TMPRSS5: variants seen among roughly 807,000 people sequenced by gnomAD.
TMPRSS5 encodes the protein transmembrane serine protease 5.
In TMPRSS5, 45 loss-of-function variants were observed where a neutral mutation model predicts 59.7. The observed-to-expected ratio is 0.75, with a 90% CI of 0.59 to 0.97. The LOEUF is 0.97. Ranked by LOEUF, TMPRSS5 falls within the 50% of genes least tolerant of loss-of-function variation. TMPRSS5 has a pLI of 0.00. For missense variants in TMPRSS5, 585 were observed against 596.7 expected (o/e 0.98, Z 0.20); for synonymous variants, 225 against 232.0 (o/e 0.97, Z 0.27).
At position 113,706,299 on chromosome 11, in the gene TMPRSS5, G is replaced by A; in HGVS notation, c.-75C>T. The A allele has an allele frequency of 6.4e-7, 1 of 1,555,054 alleles. No individual in the cohort carries two copies. The highest frequency in any genetic ancestry group is 1.2e-5 in the South Asian group (1 of 84,970). On this transcript the variant is annotated 5_prime_UTR_variant, in exon 1 of 13. Transcript: ENST00000299882. ...CCGCTCCTGTTCTCAGGCCAGCATT[G>A]ATTAAAGCTAGCCCAGCAAGCTTGG...
Position 113,699,612 on chromosome 11 carries a change from A to G in TMPRSS5, c.188T>C (p.Val63Ala). 1 of 1,578,824 alleles carries G rather than the reference A, an allele frequency of 6.3e-7. No homozygotes were observed. The highest frequency in any genetic ancestry group is 8.6e-7 in the Non-Finnish European group (1 of 1,162,996). ...GALGLLAGAGVGSWLLVLYLC... is the reference protein window; with the variant it reads ...GALGLLAGAGAGSWLLVLYLC... ...GCACTGACCTAGGAGCCATGAGCCA[A>G]CACCTGCACCGGCCAGCAGCCCCAG... Residue 63 changes from valine (V) to alanine (A), a missense_variant, in exon 3 of 13, where the codon GTT becomes GCT. Physicochemically the swap from Val to Ala is moderately conservative, Grantham distance 64. Transcript: ENST00000299882.
chr11:113,690,085 C>A (rs1447452705), intron 11 of TMPRSS5, 146 bp downstream of exon 11: 1 of 1,297,976 alleles, frequency 7.7e-7, no homozygotes, highest in South Asian at 1.4e-5. Context: ...GAGCTCCAGA[C>A]TTGCCTAGGT....
intron 4 of TMPRSS5, among the ~76,000 whole-genome samples, chr11:113,698,110 C>T (rs1028376011): frequency 6.6e-6 from 1 of 152,156 alleles, no homozygotes; most frequent in African/African-American, 2.4e-5. Flanking sequence ...AGGCAGAAGA[C>T]AGCCATCTAC....
intron 9 of TMPRSS5, among the ~76,000 whole-genome samples, chr11:113,692,496 G>A (rs1952811333): frequency 6.6e-6 from 1 of 152,192 alleles, no homozygotes. Context: ...GCACGTGTGT[G>A]TCGGGGAGAG....
intron 1 of TMPRSS5, among the ~76,000 whole-genome samples, chr11:113,705,298 C>T (rs1251232760): frequency 6.6e-6 from 1 of 152,212 alleles, no homozygotes; most frequent in Non-Finnish European, 1.5e-5. Flanking sequence ...GAAGGAAAGA[C>T]TTTGTCAGAC....
intron 1 of TMPRSS5, among the ~76,000 whole-genome samples, chr11:113,704,118 A>C (rs3902836): frequency 0.21 from 32,387 of 152,064 alleles, 3,695 homozygotes; most frequent in Middle Eastern, 0.34. Context: ...AGCAAAGGCA[A>C]AGGGATAAGA....
Position 113,696,890 on chromosome 11 carries a change from C to A in TMPRSS5, c.546G>T (p.Leu182=). The change falls in exon 6 of 13, where the codon CTG becomes CTT. Residue 182 remains leucine (L), a synonymous_variant. Transcript: ENST00000299882. ...SQEFAQLSPR[L]GGFLEEAWQP... ...GCCACGCCTCCTCCAGGAAGCCTCCCAGTCTAGGAGAGAGCTGAGCAAACT... is the reference window on the plus strand; with the variant it reads ...GCCACGCCTCCTCCAGGAAGCCTCCAAGTCTAGGAGAGAGCTGAGCAAACT... The A allele has an allele frequency of 6.4e-7, 1 of 1,572,976 alleles. No individual in the cohort carries two copies. Among genetic ancestry groups the A allele is most frequent in the South Asian group, 1.2e-5 (1 of 85,246 alleles).
intron 10 of TMPRSS5, 55 bp from the exon 11 acceptor site, chr11:113,690,428 G>A (rs1452738997): frequency 1.2e-5 from 19 of 1,563,236 alleles, no homozygotes; most frequent in Non-Finnish European, 1.6e-5. Flanking sequence ...CAGGCAGGCA[G>A]AGCAGCAAGA....
Position 113,688,291 on chromosome 11 carries a change from A to G in TMPRSS5, c.1360-17T>C, listed in dbSNP as rs1952661550. On this transcript the variant is annotated splice_polypyrimidine_tract_variant and intron_variant, in intron 12 of 12. Transcript: ENST00000299882. ...GAGGGAGTCCTAGACCAAAAGGGAA[A>G]GGAACTGATTCACAGCATGGCTCTA... 1 of 1,547,046 alleles carries G rather than the reference A, an allele frequency of 6.5e-7. No homozygotes were observed. Among genetic ancestry groups the G allele is most frequent in the Admixed American group, 1.8e-5 (1 of 54,324 alleles).
At chr11:113,692,863 C>G (rs529173648) in intron 9 of TMPRSS5, among the ~76,000 whole-genome samples, 32 of 152,258 alleles carry the variant, frequency 2.1e-4, no homozygotes, top group African/African-American at 7.5e-4. Context: ...GGGTCTGAAC[C>G]TCTTTTCCCA....
intron 2 of TMPRSS5, 99 bp downstream of exon 2, chr11:113,699,967 A>G (rs1439707176): frequency 3.9e-6 from 6 of 1,545,308 alleles, no homozygotes; most frequent in Admixed American, 3.9e-5. Context: ...CTCACCATCA[A>G]TCATGTGGGG....
At chr11:113,696,393 A>G (rs1176318337) in intron 6 of TMPRSS5, among the ~76,000 whole-genome samples, 21 of 152,188 alleles carry the variant, frequency 1.4e-4, no homozygotes, top group Admixed American at 1.4e-3. Context: ...CCAGACTACA[A>G]GCAACTCTTA....
At chr11:113,697,147 G>T in intron 5 of TMPRSS5, 136 bp downstream of exon 5, 1 of 1,353,880 alleles carries the variant, frequency 7.4e-7, no homozygotes, top group Non-Finnish European at 1.0e-6. Flanking sequence ...GTGCCCAGAG[G>T]CCAGAAGATG....
chr11:113,705,660 G>C (rs1476345076), intron 1 of TMPRSS5, among the ~76,000 whole-genome samples: 2 of 152,222 alleles, frequency 1.3e-5, no homozygotes, highest in Non-Finnish European at 2.9e-5. Context: ...TAGTAGAGAA[G>C]CAGCAACAGA....
intron 3 of TMPRSS5, among the ~76,000 whole-genome samples, chr11:113,699,293 GTC>G (rs1183571994): frequency 7.7e-4 from 32 of 41,554 alleles, no homozygotes; most frequent in Non-Finnish European, 1.3e-3. Context: ...CTCTCTCTCT[GTC>G]TCTCTCTCTC....
In TMPRSS5 at chr11:113,689,886, T is replaced by C. The variant is rs746502312; in HGVS notation, c.1238A>G (p.Asp413Gly). 7.0e-6 allele frequency: 11 copies of C among 1,572,086 alleles called. No individual in the cohort carries two copies. Among genetic ancestry groups the C allele is most frequent in the African/African-American group, 1.4e-5 (1 of 73,746 alleles). ...GDSGGPLVCPDGDTWRLVGVV... is the reference protein window; with the variant it reads ...GDSGGPLVCPGGDTWRLVGVV... Reference sequence around the variant, plus strand: ...CCCCACTAGGCGCCATGTGTCCCCATCTGGGCACACTAGGGGGCCCCCGCT... The same window carrying C: ...CCCCACTAGGCGCCATGTGTCCCCACCTGGGCACACTAGGGGGCCCCCGCT... Residue 413 changes from aspartate (D) to glycine (G), a missense_variant, in exon 12 of 13, where the codon GAT becomes GGT. Coordinates refer to ENST00000299882, the MANE Select transcript of TMPRSS5 (RefSeq NM_030770.4).
rs11214707 is a variant in TMPRSS5 at position 113,692,838 on chromosome 11, C to G, written c.964+233G>C. On this transcript the variant is annotated intron_variant, in intron 9 of 12. Transcript: ENST00000299882. ...GACCTCAAGGCAAAGCCCACCTGCC[C>G]CCTAGCCATGAAATGGGTCTGAACC... is the stretch of plus-strand genomic sequence containing the variant. Among the ~76,000 whole-genome samples, 67,689 of 151,714 alleles carry G rather than the reference C, an allele frequency of 0.45. 15,788 individuals are homozygous for G. The highest frequency in any genetic ancestry group is 0.54 in the Middle Eastern group (155 of 288).
chr11:113,704,380 T>C (rs565555965), intron 1 of TMPRSS5, among the ~76,000 whole-genome samples: 2 of 152,292 alleles, frequency 1.3e-5, no homozygotes, highest in Admixed American at 1.3e-4. Context: ...TTATTCTCCA[T>C]GCCATAAAGT....
At chr11:113,690,542 G>C (rs1409402882) in intron 10 of TMPRSS5, among the ~76,000 whole-genome samples, 169 bp from the exon 11 acceptor site, 1 of 152,120 alleles carries the variant, frequency 6.6e-6, no homozygotes, top group African/African-American at 2.4e-5. Flanking sequence ...TCGGACTTGG[G>C]GGCTGGGAGT....
Sources: gnomAD v4.1 joint callset for allele counts (sites outside exome capture counted in the v4.1 genomes callset) on GRCh38, gnomAD v4.1.1 for gene constraint, MANE v1.5 for transcripts, NCBI Gene and HGNC (gene_info 2026-07-23, HGNC 2026-07-21) for gene names.